The following BLTP1 variants were observed in gnomAD, a reference collection of about 807,000 sequenced individuals.
BLTP1 encodes fragile site-associated protein.
At chr4:122,229,794 T>A in the BLTP1 span, 1 of 1,357,548 alleles carries the variant, frequency 7.4e-7, no homozygotes, top group Non-Finnish European at 9.5e-7. Flanking sequence ...TTTCCTTTTT[T>A]ATTTCTTTTT....
chr4:122,306,299 A>AT, the BLTP1 span, among the ~76,000 whole-genome samples: 31 of 152,020 alleles, frequency 2.0e-4, no homozygotes, highest in African/African-American at 4.8e-4. Flanking sequence ...TGTAATGCTG[A>AT]TTTTTTTTGT....
At chr4:122,358,096 C>T in the BLTP1 span, among the ~76,000 whole-genome samples, 124 of 152,224 alleles carry the variant, frequency 8.1e-4, 1 homozygote, top group Middle Eastern at 6.8e-3. Context: ...TAGATAAAAT[C>T]TTCACATACA....
At chr4:122,176,533 T>G in the BLTP1 span, among the ~76,000 whole-genome samples, 4,305 of 152,202 alleles carry the variant, frequency 0.028, 137 homozygotes, top group African/African-American at 0.08. Flanking sequence ...CTACCACTCA[T>G]GTTTTAAAAA....
At chr4:122,250,491 C>T in the BLTP1 span, 2 of 1,613,470 alleles carry the variant, frequency 1.2e-6, no homozygotes, top group Non-Finnish European at 8.5e-7. Context: ...GGCTATAATA[C>T]TGATGTCTCT....
the BLTP1 span, chr4:122,226,100 G>A: frequency 6.6e-6 from 1 of 151,360 alleles, no homozygotes; most frequent in Non-Finnish European, 1.5e-5. Context: ...TTTTCCAAGA[G>A]TTTAAATTAT....
the BLTP1 span, among the ~76,000 whole-genome samples, chr4:122,194,942 A>C: frequency 3.3e-5 from 5 of 152,298 alleles, no homozygotes; most frequent in South Asian, 1.0e-3. Flanking sequence ...TATTTTTCAC[A>C]TATATTAAAT....
the BLTP1 span, chr4:122,209,468 A>C: frequency 1.1e-6 from 1 of 891,826 alleles, no homozygotes; most frequent in South Asian, 1.6e-5. Flanking sequence ...AACATGGTGA[A>C]ACCTTGTCTC....
the BLTP1 span, among the ~76,000 whole-genome samples, chr4:122,292,063 C>T: frequency 3.0e-4 from 46 of 151,670 alleles, 1 homozygote; most frequent in East Asian, 1.2e-3. Context: ...CTCTACCTCC[C>T]GGGTTCAGGC....
chr4:122,187,879 A>AT, the BLTP1 span: 132,426 of 1,066,224 alleles, frequency 0.12, no homozygotes, highest in Non-Finnish European at 0.13. Flanking sequence ...TTATCTGTTT[A>AT]TTTTTTTTTT....
the BLTP1 span, chr4:122,187,386 A>G: frequency 6.2e-7 from 1 of 1,606,042 alleles, no homozygotes; most frequent in South Asian, 1.1e-5. Context: ...GTCCTCAGGT[A>G]TTTAAGGTTT....
At chr4:122,354,066 G>A in the BLTP1 span, 1 of 1,521,554 alleles carries the variant, frequency 6.6e-7, no homozygotes, top group Non-Finnish European at 9.0e-7. Context: ...TTTCCATTTT[G>A]GATTCTGTTG....
chr4:122,356,037 C>G, the BLTP1 span: 32,370 of 1,370,364 alleles, frequency 0.024, 554 homozygotes, highest in Admixed American at 0.078. Context: ...TCTAAAGGCA[C>G]TTCAAACTAC....
the BLTP1 span, among the ~76,000 whole-genome samples, chr4:122,358,480 T>A: frequency 6.6e-6 from 1 of 152,182 alleles, no homozygotes; most frequent in Non-Finnish European, 1.5e-5. Flanking sequence ...AAGCACTTCG[T>A]TTTGGCCAAA....
the BLTP1 span, among the ~76,000 whole-genome samples, chr4:122,219,820 G>A: frequency 3.6e-4 from 55 of 152,126 alleles, 2 homozygotes; most frequent in Admixed American, 2.5e-3. Flanking sequence ...TCAGGACATC[G>A]TGTCATACAT....
the BLTP1 span, chr4:122,280,095 A>G: frequency 1.3e-6 from 2 of 1,552,026 alleles, no homozygotes; most frequent in South Asian, 1.2e-5. Context: ...AGTATCGACC[A>G]TTATGGACAG....
chr4:122,248,229 G>A, the BLTP1 span: 4,331 of 583,868 alleles, frequency 7.4e-3, 30 homozygotes, highest in South Asian at 0.031. Flanking sequence ...TGAAAAATGT[G>A]GTGGCTTGAG....
At chr4:122,230,899 G>A in the BLTP1 span, among the ~76,000 whole-genome samples, 10 of 151,876 alleles carry the variant, frequency 6.6e-5, no homozygotes, top group African/African-American at 2.4e-4. Flanking sequence ...TTTTTTTAAT[G>A]CTTGAAATCA....
chr4:122,174,543 A>G, the BLTP1 span: 2 of 1,602,550 alleles, frequency 1.2e-6, no homozygotes, highest in Non-Finnish European at 1.7e-6. Context: ...AAACAGTTAC[A>G]TTAACTGCTG....
At chr4:122,279,853 T>A in the BLTP1 span, 1 of 1,614,146 alleles carries the variant, frequency 6.2e-7, no homozygotes, top group Non-Finnish European at 8.5e-7. Context: ...ACAATGCTGC[T>A]GTGTTCAAAG....
Sources: gnomAD v4.1 joint callset for allele counts (sites outside exome capture counted in the v4.1 genomes callset) on GRCh38, gnomAD v4.1.1 for gene constraint, MANE v1.5 for transcripts, NCBI Gene and HGNC (gene_info 2026-07-23, HGNC 2026-07-21) for gene names.